Variants in FABP12 observed in about 807,000 individuals in gnomAD.
FABP12 encodes fatty acid-binding protein 12.
Under a neutral mutation model 13.7 loss-of-function variants are expected in FABP12, and 19 were observed. The observed-to-expected ratio is 1.39, with a 90% CI of 0.97 to 2.04. The LOEUF is 2.04. Among genes scored for constraint, FABP12 ranks in the 30% most tolerant of loss-of-function variants. FABP12 has a pLI of 0.00. For synonymous variants in FABP12, 61 were observed against 57.0 expected (o/e 1.07, Z -0.32); for missense variants, 182 against 164.2 (o/e 1.11, Z -0.59).
chr8:81,585,543 A>C (rs543451400), intron 1 of FABP12, among the ~76,000 whole-genome samples: 1 of 152,322 alleles, frequency 6.6e-6, no homozygotes, highest in African/African-American at 2.4e-5. Flanking sequence ...CTTTTGGCTT[A>C]AAATTGCTCC....
chr8:81,531,943 GCACACACACA>G (rs10554665), intron 1 of FABP12, among the ~76,000 whole-genome samples: 2 of 147,760 alleles, frequency 1.4e-5, no homozygotes, highest in African/African-American at 4.9e-5. Flanking sequence ...ACAAACACAT[GCACACACACA>G]CACACACACA....
chr8:81,527,676 TTA>T (rs778042534), intron 3 of FABP12, among the ~76,000 whole-genome samples: 3 of 152,206 alleles, frequency 2.0e-5, no homozygotes, highest in Non-Finnish European at 4.4e-5. Flanking sequence ...AATGTTCTTT[TTA>T]TCTTTGACTG....
chr8:81,538,240 C>A (rs1413201112), upstream of FABP12, among the ~76,000 whole-genome samples: 1 of 152,174 alleles, frequency 6.6e-6, no homozygotes, highest in Non-Finnish European at 1.5e-5. Flanking sequence ...AAACACCTCC[C>A]ACCAGGCCCC....
upstream of FABP12, among the ~76,000 whole-genome samples, chr8:81,536,855 G>C (rs1349343013): frequency 6.6e-6 from 1 of 152,218 alleles, no homozygotes; most frequent in African/African-American, 2.4e-5. Context: ...TATTGTCTAT[G>C]GTTGCTTTTG....
At chr8:81,561,824 G>A (rs947704251) in intron 1 of FABP12, among the ~76,000 whole-genome samples, 1 of 152,140 alleles carries the variant, frequency 6.6e-6, no homozygotes, top group African/African-American at 2.4e-5. Flanking sequence ...TCACTGAGGG[G>A]CAAAGTGCTC....
intron 1 of FABP12, among the ~76,000 whole-genome samples, chr8:81,554,521 C>G (rs1436615996): frequency 1.3e-5 from 2 of 152,146 alleles, no homozygotes; most frequent in Admixed American, 1.3e-4. Flanking sequence ...TTCTGTTTAT[C>G]TCTCAATAGT....
chr8:81,545,050 C>T (rs1809414000), intron 1 of FABP12, among the ~76,000 whole-genome samples: 1 of 152,110 alleles, frequency 6.6e-6, no homozygotes. Flanking sequence ...GGGACAGTTT[C>T]ATTCTTGTTG....
intron 1 of FABP12, among the ~76,000 whole-genome samples, chr8:81,552,065 T>C (rs1809531233): frequency 6.6e-6 from 1 of 152,126 alleles, no homozygotes; most frequent in African/African-American, 2.4e-5. Flanking sequence ...AATCTGTGAC[T>C]AATGCAAGCA....
intron 3 of FABP12, among the ~76,000 whole-genome samples, chr8:81,528,232 A>T (rs1314114542): frequency 1.3e-5 from 2 of 152,112 alleles, no homozygotes; most frequent in East Asian, 3.9e-4. Flanking sequence ...GGCACGCACC[A>T]CCACAGTGGC....
At chr8:81,541,864 T>C (rs1178486318) in intron 1 of FABP12, among the ~76,000 whole-genome samples, 1 of 113,358 alleles carries the variant, frequency 8.8e-6, no homozygotes, top group Non-Finnish European at 1.7e-5. Context: ...TACTTCCCAA[T>C]CAACAGCTCA....
intron 1 of FABP12, among the ~76,000 whole-genome samples, chr8:81,555,958 C>T (rs750108389): frequency 4.9e-4 from 74 of 151,716 alleles, no homozygotes; most frequent in Admixed American, 4.6e-4. Flanking sequence ...ATATAGTTTG[C>T]GAGCATGTAG....
At chr8:81,564,030 C>A (rs1176060378) in intron 1 of FABP12, among the ~76,000 whole-genome samples, 1 of 151,986 alleles carries the variant, frequency 6.6e-6, no homozygotes, top group African/African-American at 2.4e-5. Context: ...AATAAAGGAT[C>A]TTAAAAGCAG....
chr8:81,543,224 C>T lies in FABP12; in HGVS notation c.-184-3481G>A, dbSNP rs114503696. 7.3e-3 allele frequency among the ~76,000 whole-genome samples: 1,106 copies of T among 152,240 alleles called. 9 individuals carry two copies. The highest frequency in any genetic ancestry group is 0.025 in the African/African-American group (1,018 of 41,542). On this transcript the variant is annotated intron_variant, in intron 1 of 5. Transcript: ENST00000692030. Reference sequence around the variant, plus strand: ...CGAAACTAATTAGCTTCAGGCTAGGCGGTATGTGAGTAATTTATCCCTCCC... The same window carrying T: ...CGAAACTAATTAGCTTCAGGCTAGGTGGTATGTGAGTAATTTATCCCTCCC...
chr8:81,553,654 T>C (rs149655498), intron 1 of FABP12, among the ~76,000 whole-genome samples: 1 of 152,334 alleles, frequency 6.6e-6, no homozygotes, highest in African/African-American at 2.4e-5. Context: ...ACAGAGTTTC[T>C]AGCTCGCAGT....
At chr8:81,564,536 G>A (rs891439048) in intron 1 of FABP12, among the ~76,000 whole-genome samples, 5 of 151,878 alleles carry the variant, frequency 3.3e-5, no homozygotes, top group Non-Finnish European at 7.4e-5. Context: ...AAGTTCAAAA[G>A]TACAAAGACA....
intron 2 of FABP12, among the ~76,000 whole-genome samples, chr8:81,539,433 C>CTTTTTTTTTTTTTTTTTT (rs35386904): frequency 4.0e-5 from 2 of 50,018 alleles, no homozygotes; most frequent in African/African-American, 8.0e-5. Flanking sequence ...TTCTTTAGTT[C>CTTTTTTTTTTTTTTTTTT]TTTTTTTTTT....
At chr8:81,560,528 T>C (rs983076777) in intron 1 of FABP12, among the ~76,000 whole-genome samples, 2 of 152,028 alleles carry the variant, frequency 1.3e-5, no homozygotes, top group Non-Finnish European at 2.9e-5. Context: ...GGACAGGCCA[T>C]CCCCCCATCA....
chr8:81,533,406 T>A (rs1204702116), intron 1 of FABP12: 1 of 152,370 alleles, frequency 6.6e-6, no homozygotes, highest in East Asian at 1.9e-4. Flanking sequence ...AACATTCTTG[T>A]CTGCAATTTT....
intron 1 of FABP12, among the ~76,000 whole-genome samples, chr8:81,571,177 CAGCTCTGAGATCAA>C (rs1241276583): frequency 6.6e-6 from 1 of 152,194 alleles, no homozygotes; most frequent in Non-Finnish European, 1.5e-5. Flanking sequence ...GGCCTCAACC[CAGCTCTGAGATCAA>C]AGCTGGTGCT....
Sources: gnomAD v4.1 joint callset for allele counts (sites outside exome capture counted in the v4.1 genomes callset) on GRCh38, gnomAD v4.1.1 for gene constraint, MANE v1.5 for transcripts, NCBI Gene and HGNC (gene_info 2026-07-23, HGNC 2026-07-21) for gene names.